KIRREL1: variants seen among roughly 807,000 people sequenced by gnomAD.
KIRREL1 encodes the protein kin of IRRE-like protein 1.
Under a neutral mutation model 83.3 loss-of-function variants are expected in KIRREL1, and 25 were observed. The ratio of observed to expected loss-of-function variants is 0.30; its 90% CI spans 0.22 to 0.42. The LOEUF (loss-of-function observed/expected upper bound fraction) is 0.42. Among genes scored for constraint, KIRREL1 ranks in the 10% least tolerant of loss-of-function variants. The probability of loss-of-function intolerance (pLI) is 1.00; values close to 1 mark genes in which losing one functional copy is unlikely to be tolerated. For synonymous variants in KIRREL1, 388 were observed against 410.4 expected, an observed-to-expected ratio of 0.95 and a Z score of 0.66; for missense variants, 812 against 1,032.3, an observed-to-expected ratio of 0.79 and a Z score of 2.92.
chr1:158,084,327 T>G, intron 3 of KIRREL1, 95 bp from the exon 4 acceptor site: 1 of 1,247,158 alleles, frequency 8.0e-7, no homozygotes, highest in Non-Finnish European at 1.1e-6. Flanking sequence ...GAGGCGCACA[T>G]GCAGGTGGAA....
intron 1 of KIRREL1, among the ~76,000 whole-genome samples, chr1:158,041,033 G>T (rs1267683982): frequency 8.5e-5 from 13 of 152,170 alleles, no homozygotes; most frequent in Admixed American, 8.5e-4. Flanking sequence ...GCATCCAGGA[G>T]AAACTACAAC....
intron 8 of KIRREL1, 118 bp from the exon 9 acceptor site, chr1:158,089,384 C>G: frequency 6.6e-7 from 1 of 1,519,850 alleles, no homozygotes. Context: ...CATTTCCCTT[C>G]TGGGAATTCA....
chr1:158,025,208 G>A (rs758573502), intron 1 of KIRREL1, among the ~76,000 whole-genome samples: 3 of 152,160 alleles, frequency 2.0e-5, no homozygotes, highest in Non-Finnish European at 2.9e-5. Context: ...TCTTCCCACC[G>A]GGAAAGGGAA....
Position 158,084,541 on chromosome 1 carries a change from C to T in KIRREL1, c.472C>T (p.Arg158Trp), listed in dbSNP as rs1295059830. The change falls in exon 4 of 15, where the codon CGG becomes TGG. Residue 158 changes from arginine (R) to tryptophan (W), a missense_variant. Coordinates refer to ENST00000359209, the MANE Select transcript of KIRREL1 (RefSeq NM_018240.7). The stretch of plus-strand genomic sequence containing the variant: ...GCCTGCTGCCACCATCATCTGGTTC[C>T]GGGACGGGACGCAGCAGGAGGGCGC... ...AKPAATIIWF[R>W]DGTQQEGAVA... The T allele has an allele frequency of 1.1e-5, 17 of 1,551,650 alleles. No homozygotes were observed. Among genetic ancestry groups the T allele is most frequent in the Non-Finnish European group, 1.4e-5 (16 of 1,147,018 alleles).
intron 1 of KIRREL1, among the ~76,000 whole-genome samples, chr1:158,030,071 A>G (rs1242326996): frequency 6.6e-6 from 1 of 152,088 alleles, no homozygotes; most frequent in Non-Finnish European, 1.5e-5. Flanking sequence ...TTTGATTTTT[A>G]TTTCTCAGGT....
chr1:158,009,836 G>A (rs185630089), intron 1 of KIRREL1, among the ~76,000 whole-genome samples: 19 of 152,288 alleles, frequency 1.2e-4, no homozygotes, highest in Middle Eastern at 3.4e-3. Context: ...TAAACATAGC[G>A]AGTTAAACAT....
intron 1 of KIRREL1, among the ~76,000 whole-genome samples, chr1:157,994,842 C>T (rs1304232874): frequency 1.3e-5 from 2 of 152,250 alleles, no homozygotes; most frequent in South Asian, 2.1e-4. Flanking sequence ...CACAAAGACA[C>T]GGAGACATCT....
intron 1 of KIRREL1, among the ~76,000 whole-genome samples, chr1:158,065,268 G>A (rs1238672310): frequency 6.6e-6 from 1 of 152,144 alleles, no homozygotes; most frequent in South Asian, 2.1e-4. Flanking sequence ...AGCCTGTTGC[G>A]GGGACCCAGG....
rs1557991229 is a variant in KIRREL1 at position 158,020,132 on chromosome 1, G to A, written c.52+26404G>A. On this transcript the variant is annotated intron_variant, in intron 1 of 14. Coordinates refer to ENST00000359209, the MANE Select transcript of KIRREL1 (RefSeq NM_018240.7). Reference sequence around the variant, plus strand: ...GACAGAATTTCCTTTTGCTCTAAGGGTGAAACCAGTCAGGTCTCTCTCTTT... The same window carrying A: ...GACAGAATTTCCTTTTGCTCTAAGGATGAAACCAGTCAGGTCTCTCTCTTT... Among the ~76,000 whole-genome samples, 3 of 152,112 alleles carry A rather than the reference G, an allele frequency of 2.0e-5. No homozygotes were observed. The South Asian group carries it at 6.2e-4, about 32-fold the overall frequency.
intron 2 of KIRREL1, 46 bp from the exon 3 acceptor site, chr1:158,077,945 T>A (rs372778495): frequency 2.0e-5 from 32 of 1,607,584 alleles, no homozygotes; most frequent in Non-Finnish European, 2.6e-5. Context: ...TGGCTGAGGA[T>A]GTGTCCTTGT....
At chr1:158,086,464 TG>T in intron 4 of KIRREL1, 131 bp from the exon 5 acceptor site, 2 of 742,852 alleles carry the variant, frequency 2.7e-6, no homozygotes, top group Non-Finnish European at 2.2e-6. Context: ...GAAGAGGTTG[TG>T]GGAGTGAAGG....
chr1:157,996,657 C>G (rs1286822154), intron 1 of KIRREL1, among the ~76,000 whole-genome samples: 2 of 152,186 alleles, frequency 1.3e-5, no homozygotes, highest in African/African-American at 2.4e-5. Flanking sequence ...ACTGGACTCT[C>G]CCCTTTCGGT....
At chr1:158,089,406 T>C (rs1662121067) in intron 8 of KIRREL1, 96 bp from the exon 9 acceptor site, 1 of 1,575,034 alleles carries the variant, frequency 6.3e-7, no homozygotes, top group South Asian at 1.2e-5. Flanking sequence ...TTGTGGCCCT[T>C]CCTGCTTTCT....
At chr1:158,041,357 G>A (rs576247068) in intron 1 of KIRREL1, among the ~76,000 whole-genome samples, 22 of 152,352 alleles carry the variant, frequency 1.4e-4, no homozygotes, top group Admixed American at 6.5e-5. Flanking sequence ...AGGAGAGAAA[G>A]ATAGGTTTGA....
chr1:158,061,105 C>A (rs1298958701), intron 1 of KIRREL1, among the ~76,000 whole-genome samples: 4 of 151,488 alleles, frequency 2.6e-5, no homozygotes, highest in African/African-American at 9.7e-5. Flanking sequence ...GAGAACCTAA[C>A]CCCCCATCCA....
intron 1 of KIRREL1, among the ~76,000 whole-genome samples, chr1:158,010,598 A>G (rs1386072800): frequency 6.6e-6 from 1 of 152,208 alleles, no homozygotes; most frequent in African/African-American, 2.4e-5. Context: ...GCTTTGGTCT[A>G]TGAAAAGGTT....
intron 1 of KIRREL1, among the ~76,000 whole-genome samples, chr1:158,025,090 T>C (rs1660130282): frequency 6.6e-6 from 1 of 152,160 alleles, no homozygotes; most frequent in South Asian, 2.1e-4. Context: ...CCCTGCAAAC[T>C]GACCTGTCAC....
chr1:158,048,645 G>A lies in KIRREL1; in HGVS notation c.53-27468G>A, dbSNP rs1406907544. On this transcript the variant is annotated intron_variant, in intron 1 of 14. Coordinates refer to ENST00000359209, the MANE Select transcript of KIRREL1 (RefSeq NM_018240.7). The stretch of plus-strand genomic sequence containing the variant: ...AGTGAAACACCTACGAAGGAAAAGG[G>A]AACGCATACTTTTGCACACATACAA... Among the ~76,000 whole-genome samples, 10 of 152,156 alleles carry A rather than the reference G, an allele frequency of 6.6e-5. 1 individual carries two copies. Among genetic ancestry groups the A allele is most frequent in the Non-Finnish European group, 1.0e-4 (7 of 68,034 alleles).
chr1:158,051,707 A>G (rs963077868), intron 1 of KIRREL1, among the ~76,000 whole-genome samples: 7 of 152,138 alleles, frequency 4.6e-5, no homozygotes, highest in Non-Finnish European at 1.0e-4. Context: ...TCTTCTCTTC[A>G]GTGGGTCCCC....
Sources: gnomAD v4.1 joint callset for allele counts (sites outside exome capture counted in the v4.1 genomes callset) on GRCh38, gnomAD v4.1.1 for gene constraint, MANE v1.5 for transcripts, NCBI Gene and HGNC (gene_info 2026-07-23, HGNC 2026-07-21) for gene names.